Variants in SNRPN observed in about 807,000 individuals in gnomAD.
The protein encoded by SNRPN is small nuclear ribonucleoprotein polypeptide N.
Under a neutral mutation model 25.2 loss-of-function variants are expected in SNRPN, and 7 were observed. That is an observed-to-expected ratio of 0.28 (90% CI 0.16 to 0.52). The LOEUF is 0.52. Ranked by LOEUF, SNRPN falls within the 20% of genes least tolerant of loss-of-function variation. SNRPN has a pLI of 0.96. For missense variants in SNRPN, 196 were observed against 322.5 expected, an observed-to-expected ratio of 0.61 and a Z score of 3.00; for synonymous variants, 124 against 110.6, an observed-to-expected ratio of 1.12 and a Z score of -0.76.
chr15:24,870,984 A>G (rs576203731), intron 1 of SNRPN, among the ~76,000 whole-genome samples: 1 of 151,766 alleles, frequency 6.6e-6, no homozygotes, highest in East Asian at 1.9e-4. Flanking sequence ...AGGTTCCAGC[A>G]ATTATCTTGC....
chr15:24,932,808 C>T (rs2060962184), intron 3 of SNRPN, among the ~76,000 whole-genome samples: 1 of 152,016 alleles, frequency 6.6e-6, no homozygotes, highest in Non-Finnish European at 1.5e-5. Context: ...TGCCGCCACA[C>T]CCAGCTAATT....
intron 3 of SNRPN, among the ~76,000 whole-genome samples, chr15:24,940,893 G>T (rs2061508793): frequency 6.6e-6 from 1 of 152,178 alleles, no homozygotes; most frequent in African/African-American, 2.4e-5. Context: ...GAGACCCAGG[G>T]AAGAGTTGCG....
intron 1 of SNRPN, among the ~76,000 whole-genome samples, chr15:24,868,593 G>A (rs1162201849): frequency 6.6e-6 from 1 of 152,222 alleles, no homozygotes. Context: ...TCACCAGCAG[G>A]TGGGAATCAC....
At chr15:24,873,462 T>TC (rs1419509971) in intron 1 of SNRPN, among the ~76,000 whole-genome samples, 3 of 124,700 alleles carry the variant, frequency 2.4e-5, no homozygotes, top group African/African-American at 8.3e-5. Context: ...CTCTCTTTTT[T>TC]TTTGAGACAA....
At chr15:24,862,740 G>A (rs1486714138) in intron 1 of SNRPN, among the ~76,000 whole-genome samples, 1 of 150,758 alleles carries the variant, frequency 6.6e-6, no homozygotes, top group Non-Finnish European at 1.5e-5. Context: ...CCTGGGATGG[G>A]ATGGACAAGG....
chr15:24,863,160 G>A (rs141966907), intron 1 of SNRPN, among the ~76,000 whole-genome samples: 17 of 150,776 alleles, frequency 1.1e-4, no homozygotes, highest in Non-Finnish European at 2.4e-4. Context: ...AGGGGTTGGT[G>A]TTGGGGAGGG....
upstream of SNRPN, chr15:24,852,245 T>G (rs886352337): frequency 6.6e-6 from 1 of 152,220 alleles, no homozygotes; most frequent in African/African-American, 2.4e-5. Context: ...TCAACACACA[T>G]TTGAAAAATC....
At chr15:24,951,004 G>GC (rs2062225976), upstream of SNRPN, among the ~76,000 whole-genome samples, 1 of 151,780 alleles carries the variant, frequency 6.6e-6, no homozygotes, top group African/African-American at 2.4e-5. Context: ...GACTGCAGGC[G>GC]CCCGCCACCA....
intron 1 of SNRPN, among the ~76,000 whole-genome samples, chr15:24,863,477 G>A (rs569532488): frequency 4.0e-5 from 6 of 150,518 alleles, no homozygotes; most frequent in South Asian, 4.2e-4. Flanking sequence ...CTGTGTCTGC[G>A]TGTCCTCTCG....
At chr15:24,900,857 T>G (rs7173262) in intron 2 of SNRPN, among the ~76,000 whole-genome samples, 105,896 of 152,074 alleles carry the variant, frequency 0.7, 37,630 homozygotes, top group East Asian at 0.98. Context: ...GCACTTTGGA[T>G]GCCAAGGCAG....
chr15:24,971,322 C>G (rs79244395), intron 3 of SNRPN, among the ~76,000 whole-genome samples: 2,704 of 152,156 alleles, frequency 0.018, 77 homozygotes, highest in African/African-American at 0.062. Context: ...TTTTCTTGTG[C>G]TGTAAAGATA....
intron 1 of SNRPN, among the ~76,000 whole-genome samples, chr15:24,958,055 A>G (rs2063204359): frequency 6.6e-6 from 1 of 152,088 alleles, no homozygotes; most frequent in Non-Finnish European, 1.5e-5. Flanking sequence ...GTACTAACTG[A>G]TTTGGATTTA....
At chr15:24,923,917 A>G (rs867293962) in intron 3 of SNRPN, among the ~76,000 whole-genome samples, 907 of 60,650 alleles carry the variant, frequency 0.015, 3 homozygotes, top group Middle Eastern at 0.021. Flanking sequence ...GTGTGTGTAT[A>G]TAAACATTTT....
intron 2 of SNRPN, among the ~76,000 whole-genome samples, chr15:24,897,417 G>A (rs1254540151): frequency 6.6e-6 from 1 of 152,178 alleles, no homozygotes; most frequent in African/African-American, 2.4e-5. Context: ...GCAAGACCCT[G>A]TCTCTACAAA....
chr15:24,975,692 T>C (rs2076979869), intron 5 of SNRPN, among the ~76,000 whole-genome samples, 183 bp downstream of exon 5: 1 of 152,224 alleles, frequency 6.6e-6, no homozygotes, highest in African/African-American at 2.4e-5. Flanking sequence ...TGAACTCTTT[T>C]AAGTTTGTAA....
intron 2 of SNRPN, among the ~76,000 whole-genome samples, chr15:24,915,137 T>C (rs146154714): frequency 0.013 from 2,025 of 151,946 alleles, 19 homozygotes; most frequent in Non-Finnish European, 0.018. Flanking sequence ...TATTTATTTA[T>C]TTATTTTTGA....
chr15:24,845,009 G>C (rs940417940), intron 2 of SNRPN, among the ~76,000 whole-genome samples: 3 of 151,950 alleles, frequency 2.0e-5, no homozygotes, highest in Admixed American at 1.3e-4. Flanking sequence ...GAAGAGTTTT[G>C]TTTTGTATTT....
At chr15:24,876,037 G>C (rs2055831825) in intron 1 of SNRPN, among the ~76,000 whole-genome samples, 1 of 147,786 alleles carries the variant, frequency 6.8e-6, no homozygotes, top group Non-Finnish European at 1.5e-5. Context: ...TTGGGCAGCA[G>C]AGTGATACTT....
chr15:24,869,357 G>A (rs549423451), intron 1 of SNRPN, among the ~76,000 whole-genome samples: 2 of 152,176 alleles, frequency 1.3e-5, no homozygotes, highest in African/African-American at 4.8e-5. Flanking sequence ...GGTGATATTT[G>A]TCACAATTCA....
Sources: gnomAD v4.1 joint callset for allele counts (sites outside exome capture counted in the v4.1 genomes callset) on GRCh38, gnomAD v4.1.1 for gene constraint, MANE v1.5 for transcripts, NCBI Gene and HGNC (gene_info 2026-07-23, HGNC 2026-07-21) for gene names.